ARID2: variants seen among roughly 807,000 people sequenced by gnomAD.
ARID2 encodes AT-rich interactive domain-containing protein 2.
ARID2 carries 32 observed loss-of-function variants against 184.6 expected under a neutral mutation model. The observed-to-expected ratio is 0.17, with a 90% CI of 0.13 to 0.23. The LOEUF is 0.23. Ranked by LOEUF, ARID2 falls within the 10% of genes least tolerant of loss-of-function variation. ARID2 has a pLI of 1.00. For synonymous variants in ARID2, 836 were observed against 772.6 expected, an observed-to-expected ratio of 1.08 and a Z score of -1.36; for missense variants, 1,696 against 2,197.6, an observed-to-expected ratio of 0.77 and a Z score of 4.56.
At chr12:45,865,048 T>C (rs560927788) in intron 16 of ARID2, among the ~76,000 whole-genome samples, 8 of 152,212 alleles carry the variant, frequency 5.3e-5, no homozygotes, top group Non-Finnish European at 8.8e-5. Context: ...TCCTTCTTGG[T>C]ATACAAATTG....
chr12:45,815,733 C>T (rs1408092455), intron 4 of ARID2, among the ~76,000 whole-genome samples: 2 of 152,180 alleles, frequency 1.3e-5, no homozygotes, highest in Admixed American at 1.3e-4. Flanking sequence ...TTAACCAAAG[C>T]TCACTGGAAA....
intron 16 of ARID2, among the ~76,000 whole-genome samples, chr12:45,861,825 G>A (rs1218934225): frequency 5.9e-5 from 9 of 151,622 alleles, no homozygotes; most frequent in African/African-American, 1.2e-4. Context: ...CTCTGGCCTC[G>A]GCCTCCCAAA....
At chr12:45,764,338 AC>A (rs1345194518) in intron 3 of ARID2, among the ~76,000 whole-genome samples, 1 of 152,122 alleles carries the variant, frequency 6.6e-6, no homozygotes, top group East Asian at 1.9e-4. Context: ...GCTTGACATT[AC>A]TTAAGTAGTG....
At position 45,848,598 on chromosome 12, in the gene ARID2, G is replaced by A. The variant is rs1943484930; in HGVS notation, c.1581-238G>A. Among the ~76,000 whole-genome samples, 4 of 152,048 alleles carry A rather than the reference G, an allele frequency of 2.6e-5. No homozygotes were observed. In the South Asian group the frequency reaches 8.3e-4, roughly 32 times the overall value. On this transcript the variant is annotated intron_variant, in intron 12 of 20. Transcript: ENST00000334344. ...ACCAACCCTGCTCTCATTGGGATGT[G>A]AACATAGTTTTTATATTTGTTGTCA... is the stretch of plus-strand genomic sequence containing the variant.
intron 3 of ARID2, among the ~76,000 whole-genome samples, chr12:45,763,603 A>G (rs576517814): frequency 7.7e-4 from 117 of 152,102 alleles, no homozygotes; most frequent in Non-Finnish European, 5.3e-4. Context: ...TGCTCAAGGG[A>G]TCATCCCACC....
Position 45,851,654 on chromosome 12 carries a change from G to T in ARID2, c.3531G>T (p.Val1177=), listed in dbSNP as rs759434440. 6.2e-7 allele frequency: 1 copy of T among 1,614,120 alleles called. No homozygotes were observed. Among genetic ancestry groups the T allele is most frequent in the Admixed American group, 1.7e-5 (1 of 60,016 alleles). Residue 1177 remains valine, a synonymous_variant, in exon 15 of 21, where the codon GTG becomes GTT. Coordinates refer to ENST00000334344, the MANE Select transcript of ARID2 (RefSeq NM_152641.4). Reference sequence around the variant, plus strand: ...GCAACCAGGTAACCATAACAGTTGTGCCAAATACGAGTTTTGCACCTGCAA... The same window carrying T: ...GCAACCAGGTAACCATAACAGTTGTTCCAAATACGAGTTTTGCACCTGCAA... The part of the protein sequence containing the change: ...TSGNQVTITV[V]PNTSFAPATV...
At chr12:45,763,087 C>T (rs1368754601) in intron 3 of ARID2, among the ~76,000 whole-genome samples, 1 of 152,142 alleles carries the variant, frequency 6.6e-6, no homozygotes, top group Non-Finnish European at 1.5e-5. Context: ...GAAGTTTTAA[C>T]TTAATAGGTT....
At chr12:45,799,527 T>C (rs976958146) in intron 3 of ARID2, among the ~76,000 whole-genome samples, 5 of 152,168 alleles carry the variant, frequency 3.3e-5, no homozygotes, top group Non-Finnish European at 7.4e-5. Context: ...CAGTGTAATA[T>C]GTAAATCTGT....
intron 15 of ARID2, among the ~76,000 whole-genome samples, chr12:45,859,549 T>C (rs1029753543): frequency 6.6e-6 from 1 of 152,212 alleles, no homozygotes; most frequent in Non-Finnish European, 1.5e-5. Flanking sequence ...TCAAAAATAA[T>C]GTACTACCAT....
At chr12:45,813,408 T>A (rs1402400587) in intron 4 of ARID2, among the ~76,000 whole-genome samples, 2 of 151,378 alleles carry the variant, frequency 1.3e-5, no homozygotes, top group Non-Finnish European at 2.9e-5. Context: ...TTTTAATGTG[T>A]TATTAAGGAA....
At chr12:45,897,244 G>T (rs1944382249) in intron 20 of ARID2, among the ~76,000 whole-genome samples, 1 of 152,222 alleles carries the variant, frequency 6.6e-6, no homozygotes, top group African/African-American at 2.4e-5. Flanking sequence ...AAACAATGAA[G>T]TTGGACACTT....
intron 4 of ARID2, among the ~76,000 whole-genome samples, chr12:45,815,965 A>G (rs138439849): frequency 6.6e-6 from 1 of 152,244 alleles, no homozygotes. Flanking sequence ...CCAGCCTGAA[A>G]TATTCTTGAA....
In ARID2 at chr12:45,850,796, A is replaced by G. The variant is rs1477281613; in HGVS notation, c.2673A>G (p.Val891=). Residue 891 remains valine (V), a synonymous_variant, in exon 15 of 21, where the codon GTA becomes GTG. Transcript: ENST00000334344. ...AGVPSPQASR[V]GFQNIAPKPL... is the part of the protein sequence containing the mutation. ...TCCCAAGTCCACAAGCCTCAAGGGTAGGGTTTCAGAACATTGCACCAAAAC... is the reference window on the plus strand; with the variant it reads ...TCCCAAGTCCACAAGCCTCAAGGGTGGGGTTTCAGAACATTGCACCAAAAC... The G allele has an allele frequency of 6.2e-7, 1 of 1,614,008 alleles. No homozygotes were observed. The highest frequency in any genetic ancestry group is 8.5e-7 in the Non-Finnish European group (1 of 1,180,000).
chr12:45,779,688 T>G (rs1184366840), intron 3 of ARID2, among the ~76,000 whole-genome samples: 1 of 152,108 alleles, frequency 6.6e-6, no homozygotes. Flanking sequence ...CTCATTAGTT[T>G]TCTGTCATCT....
chr12:45,852,767 C>T lies in ARID2; in HGVS notation c.4644C>T (p.Gly1548=), dbSNP rs1458377701. 3 of 1,614,154 alleles carry T rather than the reference C, an allele frequency of 1.9e-6. No individual in the cohort carries two copies. In the African/African-American group the frequency reaches 4.0e-5, roughly 22 times the overall value. The part of the protein sequence containing the change: ...IVTISDPNNA[G]CSATMVAVPA... ...CAATCAGTGACCCCAACAATGCTGG[C>T]TGCAGCGCAACAATGGTTGCTGTGC... The change falls in exon 15 of 21, where the codon GGC becomes GGT. Residue 1548 remains glycine (G), a synonymous_variant. Transcript: ENST00000334344.
chr12:45,788,934 T>G (rs1942243703), intron 3 of ARID2, among the ~76,000 whole-genome samples: 2 of 152,204 alleles, frequency 1.3e-5, no homozygotes, highest in African/African-American at 2.4e-5. Context: ...CCTGCAGACT[T>G]AATCAGAGTA....
rs777957470 is a variant in ARID2 at position 45,893,430 on chromosome 12, G to A, written c.5158G>A (p.Val1720Ile). The part of the protein sequence containing the change: ...SQKSSTKQPT[V>I]GGTSSTPRAQ... ...CTCTGATCAATTTAGGCAGCCAACT[G>A]TAGGGGGCACAAGCTCAACTCCTAG... The change falls in exon 19 of 21, where the codon GTA (valine) becomes ATA (isoleucine). Residue 1720 changes from valine (V) to isoleucine (I), a missense_variant. Coordinates refer to ENST00000334344, the MANE Select transcript of ARID2 (RefSeq NM_152641.4). The A allele has an allele frequency of 1.2e-6, 2 of 1,612,872 alleles. No homozygotes were observed. The highest frequency in any genetic ancestry group is 8.5e-7 in the Non-Finnish European group (1 of 1,179,386).
chr12:45,807,907 A>G (rs985641189), intron 3 of ARID2, among the ~76,000 whole-genome samples: 1 of 152,178 alleles, frequency 6.6e-6, no homozygotes, highest in Non-Finnish European at 1.5e-5. Flanking sequence ...TCACTGTAAT[A>G]GTGCTGATAT....
intron 3 of ARID2, among the ~76,000 whole-genome samples, chr12:45,746,634 G>A (rs558820719): frequency 6.6e-5 from 10 of 152,210 alleles, no homozygotes; most frequent in African/African-American, 2.4e-4. Context: ...GCCGGGCACT[G>A]CACCAAGTGG....
Sources: allele counts gnomAD v4.1 joint callset (sites outside exome capture counted in the v4.1 genomes callset), GRCh38; gene constraint gnomAD v4.1.1; transcripts MANE v1.5; gene names NCBI Gene and HGNC (gene_info 2026-07-23, HGNC 2026-07-21).